MYT1L: variants seen among roughly 807,000 people sequenced by gnomAD.
MYT1L encodes the protein myelin transcription factor 1 like, also known as myelin transcription factor 1-like protein.
In MYT1L, 12 loss-of-function variants were observed where a neutral mutation model predicts 126.7. That is an observed-to-expected ratio of 0.09 (90% CI 0.06 to 0.15). The LOEUF is 0.15. MYT1L is among the 10% of genes least tolerant of loss of function. The pLI, the probability that MYT1L is intolerant of heterozygous loss-of-function variation, is 1.00. For missense variants in MYT1L, 979 were observed against 1,585.2 expected (o/e 0.62, Z 6.49); for synonymous variants, 541 against 604.2 (o/e 0.90, Z 1.53).
chr2:2,043,299 A>T (rs1051960439), intron 4 of MYT1L, among the ~76,000 whole-genome samples: 1 of 152,050 alleles, frequency 6.6e-6, no homozygotes, highest in African/African-American at 2.4e-5. Flanking sequence ...ATTTTCCAGA[A>T]ACCTTGTTCT....
At chr2:2,322,357 C>A (rs2096182378) in intron 1 of MYT1L, among the ~76,000 whole-genome samples, 1 of 151,952 alleles carries the variant, frequency 6.6e-6, no homozygotes, top group Non-Finnish European at 1.5e-5. Context: ...AAAAATTTTG[C>A]CATGAAAGGC....
At chr2:2,085,872 T>C (rs2076303644) in intron 3 of MYT1L, among the ~76,000 whole-genome samples, 1 of 152,202 alleles carries the variant, frequency 6.6e-6, no homozygotes, top group Non-Finnish European at 1.5e-5. Context: ...GGTTTCCTGA[T>C]CCACAGACTC....
intron 18 of MYT1L, among the ~76,000 whole-genome samples, chr2:1,880,402 A>C (rs866389004): frequency 1.2e-4 from 19 of 152,028 alleles, no homozygotes; most frequent in South Asian, 6.2e-4. Flanking sequence ...CAGTGGCGCG[A>C]TCTCGGCTCA....
At position 1,943,013 on chromosome 2, in the gene MYT1L, CTCCTCCTCT is replaced by C. The variant is rs779800803; in HGVS notation, c.465_473del (p.Glu165_Glu167del). 8.5e-6 allele frequency: 13 copies of C among 1,533,340 alleles called. 1 individual carries two copies. In the South Asian group the frequency reaches 1.1e-4, roughly 13 times the overall value. 95.0% of individuals were successfully genotyped at this position (1,533,340 alleles called of 1,614,324 possible). A position where few individuals can be genotyped will look rare whatever the true frequency, so the allele number is the denominator to read the frequency against. ...CTTCTTCCTCTTCCTCCTCCTCCTC[CTCCTCCTCT>C]TCCTCTTCTTCATCCTCCACATCTT... On this transcript the variant is annotated inframe_deletion, in exon 9 of 25. Transcript: ENST00000647738. This position sits in a 1 kb window ranked among gnomAD's most constrained non-coding sequence, Gnocchi z 4.4.
intron 1 of MYT1L, among the ~76,000 whole-genome samples, chr2:2,312,290 C>T (rs932945825): frequency 6.6e-6 from 1 of 152,152 alleles, no homozygotes; most frequent in Non-Finnish European, 1.5e-5. Context: ...AATTTATTCT[C>T]TATCTCTCCC....
intron 8 of MYT1L, among the ~76,000 whole-genome samples, chr2:1,956,065 C>A (rs1429150731): frequency 6.6e-6 from 1 of 151,432 alleles, no homozygotes; most frequent in Non-Finnish European, 1.5e-5. Context: ...ATCTATCTAT[C>A]TACCTATCAT....
At chr2:1,988,286 C>T (rs909452691) in intron 5 of MYT1L, among the ~76,000 whole-genome samples, 14 of 152,170 alleles carry the variant, frequency 9.2e-5, no homozygotes, top group Admixed American at 5.2e-4. Flanking sequence ...CCCATTCCTG[C>T]GGAGCGCCGG....
At chr2:1,832,329 A>G (rs1056800649) in intron 21 of MYT1L, among the ~76,000 whole-genome samples, 1 of 152,198 alleles carries the variant, frequency 6.6e-6, no homozygotes, top group African/African-American at 2.4e-5. Context: ...CTTCCAGCCC[A>G]GGGACAGGGG....
chr2:2,271,182 C>T (rs1477837645), intron 2 of MYT1L, among the ~76,000 whole-genome samples: 1 of 152,164 alleles, frequency 6.6e-6, no homozygotes, highest in Non-Finnish European at 1.5e-5. Flanking sequence ...ACAGTCTGGC[C>T]AGGTCACAGG....
chr2:1,849,403 G>A (rs1572845742), intron 19 of MYT1L, among the ~76,000 whole-genome samples: 1 of 152,078 alleles, frequency 6.6e-6, no homozygotes, highest in African/African-American at 2.4e-5. Flanking sequence ...GTTGGACGGC[G>A]CGACTCACTC....
intron 19 of MYT1L, among the ~76,000 whole-genome samples, chr2:1,845,210 G>A (rs2042337826): frequency 6.6e-6 from 1 of 152,008 alleles, no homozygotes; most frequent in African/African-American, 2.4e-5. Context: ...CTGGCCTCAA[G>A]CGATCTGCCT....
intron 8 of MYT1L, among the ~76,000 whole-genome samples, chr2:1,963,310 G>A (rs998654762): frequency 5.3e-5 from 8 of 152,240 alleles, no homozygotes; most frequent in Admixed American, 3.9e-4. Context: ...GTAAACAAAT[G>A]TGCTGTCATC....
intron 2 of MYT1L, among the ~76,000 whole-genome samples, chr2:2,249,579 G>C (rs2094596608): frequency 6.6e-6 from 1 of 151,946 alleles, no homozygotes; most frequent in Non-Finnish European, 1.5e-5. Flanking sequence ...AAGCACTATA[G>C]GAAAACATTG....
At chr2:2,201,697 C>T (rs1363783683) in intron 2 of MYT1L, among the ~76,000 whole-genome samples, 1 of 130,702 alleles carries the variant, frequency 7.7e-6, no homozygotes. Flanking sequence ...GACTCTGCCT[C>T]AAAAAAAAAA....
chr2:1,909,528 T>C (rs886564410), intron 13 of MYT1L, among the ~76,000 whole-genome samples: 1 of 152,162 alleles, frequency 6.6e-6, no homozygotes, highest in African/African-American at 2.4e-5. Flanking sequence ...GATGAGGATT[T>C]CAAACAACAC....
chr2:1,806,397 G>A lies in MYT1L; in HGVS notation c.3172+2679C>T, dbSNP rs573111317. Among the ~76,000 whole-genome samples, 157 of 152,326 alleles carry A rather than the reference G, an allele frequency of 1.0e-3. 1 individual carries two copies. The highest frequency in any genetic ancestry group is 1.6e-3 in the Non-Finnish European group (107 of 68,032). ...GAACTGTGTGTCTAGAAACTTGGGT[G>A]AAATGCAGCGACCTGGCTGAAGGCT... is the stretch of plus-strand genomic sequence containing the variant. On this transcript the variant is annotated intron_variant, in intron 22 of 24. Transcript: ENST00000647738. The surrounding 1 kb of genome is among the most constrained non-coding windows in gnomAD (Gnocchi z 4.9).
chr2:2,253,566 A>C (rs992605628), intron 2 of MYT1L, among the ~76,000 whole-genome samples: 15 of 152,334 alleles, frequency 9.8e-5, no homozygotes, highest in Non-Finnish European at 1.9e-4. Context: ...GGGCATGCAA[A>C]GTAAAACACA....
chr2:2,168,300 T>C (rs747685543), intron 3 of MYT1L, among the ~76,000 whole-genome samples: 25 of 152,196 alleles, frequency 1.6e-4, no homozygotes, highest in Admixed American at 3.3e-4. Flanking sequence ...AAAAGAGTAC[T>C]ACGTGTGCAT....
intron 15 of MYT1L, among the ~76,000 whole-genome samples, chr2:1,891,093 C>G (rs1367708064): frequency 1.3e-5 from 2 of 152,048 alleles, no homozygotes; most frequent in African/African-American, 4.8e-5. Context: ...CTGCATGCAC[C>G]TGACTCTTCT....
Sources: allele counts gnomAD v4.1 joint callset (sites outside exome capture counted in the v4.1 genomes callset), GRCh38; gene constraint gnomAD v4.1.1; non-coding constraint Gnocchi (gnomAD v3.1); transcripts MANE v1.5; gene names NCBI Gene and HGNC (gene_info 2026-07-23, HGNC 2026-07-21).